Variants in CES1 observed in about 807,000 individuals in gnomAD.
CES1 encodes liver carboxylesterase 1.
In CES1, 50 loss-of-function variants were observed where a neutral mutation model predicts 53.0. That is an observed-to-expected ratio of 0.94 (90% confidence interval 0.75 to 1.19). The LOEUF is 1.19. CES1 is among the 50% of genes most tolerant of loss of function. The probability of loss-of-function intolerance (pLI) is 0.00; values close to 1 mark genes in which losing one functional copy is unlikely to be tolerated. For synonymous variants in CES1, 202 were observed against 210.1 expected, an observed-to-expected ratio of 0.96 and a Z score of 0.33; for missense variants, 534 against 538.0, an observed-to-expected ratio of 0.99 and a Z score of 0.07.
rs1437304712 is a variant in CES1, at chr16:55,820,459, C to T, written c.714G>A (p.Lys238=). ...VSVLVLSPLA[K]NLFHRAISES... ...CAGAAATGGCCCGGTGGAAGAGGTT[C>T]TTGGCCAATGGAGACAAAACCTGAC... Residue 238 remains lysine (K), a synonymous_variant, in exon 6 of 14, where the codon AAG becomes AAA. Coordinates refer to ENST00000360526, the MANE Select transcript of CES1 (RefSeq NM_001025195.2). 2.5e-6 allele frequency: 4 copies of T among 1,585,858 alleles called. No individual in the cohort carries two copies. The highest frequency in any genetic ancestry group is 1.3e-5 in the African/African-American group (1 of 74,124).
rs538136570 is a variant in CES1, at chr16:55,829,826, C to G, written c.53-852G>C. Among the ~76,000 whole-genome samples the G allele has an allele frequency of 2.0e-5, 3 of 152,362 alleles. No individual in the cohort carries two copies. The East Asian group carries it at 5.8e-4, about 29-fold the overall frequency. On this transcript the variant is annotated intron_variant, in intron 1 of 13. Transcript: ENST00000360526. Reference sequence around the variant, plus strand: ...TCTGGTGGCCCTGGGCAGGTCTGCTCCATTCTTGCAGCACGGACAATGTTT... The same window carrying G: ...TCTGGTGGCCCTGGGCAGGTCTGCTGCATTCTTGCAGCACGGACAATGTTT...
At chr16:55,813,579 A>G (rs1175120227) in intron 8 of CES1, among the ~76,000 whole-genome samples, 2 of 152,160 alleles carry the variant, frequency 1.3e-5, no homozygotes, top group Non-Finnish European at 2.9e-5. Flanking sequence ...AGCCCTTTCT[A>G]TCACAGCCTC....
rs28573777 is a variant in CES1, at chr16:55,818,350, C to T, written c.906+1185G>A. Among the ~76,000 whole-genome samples, 727 of 152,322 alleles carry T rather than the reference C, an allele frequency of 4.8e-3. 6 individuals are homozygous for T. Among genetic ancestry groups the T allele is most frequent in the African/African-American group, 0.016 (677 of 41,558 alleles). ...GGGAAGGCAGAAGATACTCTAGACC[C>T]GCAGGTGTCGGTTCTGGGTCCTACA... On this transcript the variant is annotated intron_variant, in intron 7 of 13. Coordinates refer to ENST00000360526, the MANE Select transcript of CES1 (RefSeq NM_001025195.2).
Position 55,820,332 on chromosome 16 carries a change from TG to T in CES1, c.801+39del, listed in dbSNP as rs756635235. 14 of 1,243,954 alleles carry T rather than the reference TG, an allele frequency of 1.1e-5. No homozygotes were observed. The South Asian group carries it at 1.4e-4, about 12-fold the overall frequency. The allele number at this position is 1,243,954 out of a possible 1,614,324, so 77.1% of individuals were successfully genotyped here. On this transcript the variant is annotated intron_variant, in intron 6 of 13. Coordinates refer to ENST00000360526, the MANE Select transcript of CES1 (RefSeq NM_001025195.2). ...ATTCAGGAGCATAGAGCCAAGGAGG[TG>T]GGGGTGTCCAGCCGGAGACGTACCA...
intron 4 of CES1, among the ~76,000 whole-genome samples, chr16:55,822,939 G>A (rs116621568): frequency 0.043 from 6,570 of 151,808 alleles, 195 homozygotes; most frequent in Middle Eastern, 0.12. Flanking sequence ...TAGCAGTTGC[G>A]CCTTGAAGGA....
At chr16:55,831,505 T>C (rs1184059791) in intron 1 of CES1, among the ~76,000 whole-genome samples, 1 of 150,198 alleles carries the variant, frequency 6.7e-6, no homozygotes, top group Non-Finnish European at 1.5e-5. Flanking sequence ...GCACCTACTA[T>C]GTGCCAGGCA....
At chr16:55,826,858 T>C (rs1287320935) in intron 2 of CES1, among the ~76,000 whole-genome samples, 14 of 152,324 alleles carry the variant, frequency 9.2e-5, no homozygotes, top group African/African-American at 3.1e-4. Flanking sequence ...GGATGCAACA[T>C]AGATGAACAC....
At chr16:55,816,346 G>A (rs1189979802) in intron 8 of CES1, among the ~76,000 whole-genome samples, 8 of 152,342 alleles carry the variant, frequency 5.3e-5, no homozygotes, top group East Asian at 1.9e-4. Flanking sequence ...CATGTACTCC[G>A]CCCATGACCA....
At chr16:55,822,768 G>A (rs2032251450) in intron 4 of CES1, among the ~76,000 whole-genome samples, 1 of 152,096 alleles carries the variant, frequency 6.6e-6, no homozygotes, top group Admixed American at 6.5e-5. Flanking sequence ...AAGGAAGCAT[G>A]TCACAGAGGC....
intron 3 of CES1, among the ~76,000 whole-genome samples, chr16:55,825,946 A>C (rs374409615): frequency 3.3e-5 from 5 of 152,212 alleles, no homozygotes; most frequent in South Asian, 4.1e-4. Context: ...TAAAGATGCA[A>C]AACAAACTCC....
intron 7 of CES1, among the ~76,000 whole-genome samples, chr16:55,818,414 C>A (rs1452874970): frequency 7.9e-5 from 12 of 152,306 alleles, no homozygotes; most frequent in African/African-American, 2.9e-4. Flanking sequence ...TGACATGGGG[C>A]AATTACAAAA....
chr16:55,812,776 C>A (rs1458571837), intron 9 of CES1, 127 bp downstream of exon 9: 15 of 1,347,132 alleles, frequency 1.1e-5, no homozygotes, highest in Non-Finnish European at 1.4e-5. Context: ...GAAATGTTAA[C>A]TCCTGCTGAA....
chr16:55,812,830 G>C, intron 9 of CES1, 73 bp downstream of exon 9: 1 of 1,597,302 alleles, frequency 6.3e-7, no homozygotes, highest in Non-Finnish European at 8.6e-7. Flanking sequence ...GGAGAGGGAA[G>C]CATTCCTGGG....
chr16:55,809,253 T>C (rs1426154964), intron 11 of CES1, among the ~76,000 whole-genome samples: 2 of 152,126 alleles, frequency 1.3e-5, no homozygotes, highest in Non-Finnish European at 1.5e-5. Context: ...AAGAACAGAT[T>C]CAACTCCAGT....
chr16:55,808,674 G>A (rs2031543215), intron 11 of CES1, among the ~76,000 whole-genome samples: 1 of 152,100 alleles, frequency 6.6e-6, no homozygotes, highest in African/African-American at 2.4e-5. Flanking sequence ...ATGAACATTA[G>A]GCTGAGCTCA....
At chr16:55,816,795 C>T (rs1384611349) in intron 8 of CES1, 129 bp downstream of exon 8, 7 of 1,171,782 alleles carry the variant, frequency 6.0e-6, no homozygotes, top group South Asian at 1.2e-5. Flanking sequence ...CTACCCCTCT[C>T]TGGGCCTCAG....
chr16:55,828,400 C>T (rs1228377563), intron 2 of CES1, among the ~76,000 whole-genome samples: 1 of 152,204 alleles, frequency 6.6e-6, no homozygotes, highest in African/African-American at 2.4e-5. Flanking sequence ...CCCTCACCTG[C>T]TTAACTGCTT....
At position 55,821,488 on chromosome 16, in the gene CES1, AC is replaced by A. The variant is rs2032195306; in HGVS notation, c.572del (p.Gly191ValfsTer26). ...TGDEHSRGNWGHLDQVAALRW... is the reference protein window; with the variant it reads ...TGDEHSRGNWXHLDQVAALRW... ...GCAGGGCAGCCACCTGGTCCAGGTG[AC>A]CCCAGTTCCCCCGGCTGTGTTCATC... On this transcript the variant is annotated frameshift_variant, in exon 5 of 14. Coordinates refer to ENST00000360526, the MANE Select transcript of CES1 (RefSeq NM_001025195.2). LOFTEE classifies it high-confidence loss of function. 1 of 1,614,118 alleles carries A rather than the reference AC, an allele frequency of 6.2e-7. No homozygotes were observed. The highest frequency in any genetic ancestry group is 8.5e-7 in the Non-Finnish European group (1 of 1,180,008).
At chr16:55,821,279 G>A in intron 5 of CES1, 89 bp downstream of exon 5, 8 of 1,496,888 alleles carry the variant, frequency 5.3e-6, no homozygotes, top group East Asian at 2.2e-5. Context: ...TGTAATCAGA[G>A]GTATCCATAG....
Sources: allele counts gnomAD v4.1 joint callset (sites outside exome capture counted in the v4.1 genomes callset), GRCh38; gene constraint gnomAD v4.1.1; transcripts MANE v1.5; gene names NCBI Gene and HGNC (gene_info 2026-07-23, HGNC 2026-07-21).